The following ZNF98 variants were observed in gnomAD, a reference collection of about 807,000 sequenced individuals.
ZNF98 encodes the protein zinc finger protein 98, also known as zinc finger protein 739.
Under a neutral mutation model 12.8 loss-of-function variants are expected in ZNF98, and 8 were observed. That is an observed-to-expected ratio of 0.63 (90% confidence interval 0.37 to 1.13). ZNF98 has a LOEUF of 1.13. Ranked by LOEUF, ZNF98 falls within the 50% of genes most tolerant of loss-of-function variation. The pLI is 0.01. For missense variants in ZNF98, 379 were observed against 666.1 expected, an observed-to-expected ratio of 0.57 and a Z score of 4.74; for synonymous variants, 112 against 223.5, an observed-to-expected ratio of 0.50 and a Z score of 4.45.
At chr19:22,413,169 C>T (rs1314729339) in intron 1 of ZNF98, among the ~76,000 whole-genome samples, 1 of 152,056 alleles carries the variant, frequency 6.6e-6, no homozygotes. Context: ...TCTTTGAAAA[C>T]TGGGACAAGA....
chr19:22,402,649 T>C (rs1000443447), intron 3 of ZNF98, 140 bp downstream of exon 3: 15 of 1,002,472 alleles, frequency 1.5e-5, no homozygotes, highest in Non-Finnish European at 2.1e-5. Flanking sequence ...GAAAGCAAAA[T>C]TTAAAAAATT....
intron 1 of ZNF98, among the ~76,000 whole-genome samples, chr19:22,416,058 A>T (rs939284515): frequency 2.0e-5 from 3 of 149,236 alleles, no homozygotes; most frequent in African/African-American, 7.4e-5. Flanking sequence ...GCAGGAGAAC[A>T]GCTTGAACCC....
At position 22,392,634 on chromosome 19, in the gene ZNF98, T is replaced by A. The variant is rs758446016; in HGVS notation, c.601A>T (p.Lys201Ter). The A allele has an allele frequency of 9.9e-5, 158 of 1,588,312 alleles. No individual in the cohort carries two copies. The Middle Eastern group carries it at 1.7e-3, about 17-fold the overall frequency. The stretch of plus-strand genomic sequence containing the variant: ...GGTTTCTCTCCACTATGAATTCTTT[T>A]ATGTTGAGCTAAGTGTGAAAGCATG... ...FCMLSHLAQH[K>*]RIHSGEKPYK... is the part of the protein sequence containing the mutation. The change falls in exon 4 of 4, where the codon AAA (lysine) becomes TAA (stop). Residue 201 changes from lysine (K) to a stop codon, truncating the protein, a stop_gained. Transcript: ENST00000357774. LOFTEE classifies it low-confidence loss of function (END_TRUNC).
At chr19:22,409,093 T>A (rs541572836) in intron 1 of ZNF98, among the ~76,000 whole-genome samples, 1 of 152,164 alleles carries the variant, frequency 6.6e-6, no homozygotes, top group East Asian at 1.9e-4. Flanking sequence ...AAAACAGACA[T>A]ACAGACCAAT....
intron 1 of ZNF98, among the ~76,000 whole-genome samples, chr19:22,411,865 T>C (rs557033687): frequency 6.6e-6 from 1 of 152,306 alleles, no homozygotes; most frequent in Non-Finnish European, 1.5e-5. Flanking sequence ...AGAATGTTTA[T>C]GGTAAAAACG....
At chr19:22,407,664 A>T (rs1969536576) in intron 1 of ZNF98, among the ~76,000 whole-genome samples, 1 of 151,864 alleles carries the variant, frequency 6.6e-6, no homozygotes, top group Non-Finnish European at 1.5e-5. Flanking sequence ...GTGAGCCGAG[A>T]TAATGCCACT....
chr19:22,416,395 G>A (rs1174665856), intron 1 of ZNF98, among the ~76,000 whole-genome samples: 2 of 151,792 alleles, frequency 1.3e-5, no homozygotes, highest in Non-Finnish European at 2.9e-5. Context: ...GCGTGAACCC[G>A]GGAGGCGGAG....
intron 1 of ZNF98, among the ~76,000 whole-genome samples, chr19:22,406,575 T>C (rs1266835757): frequency 2.6e-5 from 4 of 152,040 alleles, no homozygotes; most frequent in African/African-American, 9.7e-5. Flanking sequence ...CCCAGCACTT[T>C]GGGAGGCTGA....
intron 3 of ZNF98, among the ~76,000 whole-genome samples, chr19:22,400,594 C>G (rs370263586): frequency 0.035 from 5,277 of 151,302 alleles, 144 homozygotes; most frequent in African/African-American, 0.12. Context: ...CCACTACAAA[C>G]CCATAGGACA....
intron 1 of ZNF98, among the ~76,000 whole-genome samples, chr19:22,406,351 T>A (rs1252836878): frequency 6.6e-6 from 1 of 151,548 alleles, no homozygotes; most frequent in Non-Finnish European, 1.5e-5. Flanking sequence ...GGGCCTGAAG[T>A]GAACCCCCAG....
At chr19:22,404,144 CCA>C in intron 1 of ZNF98, among the ~76,000 whole-genome samples, 1 of 152,316 alleles carries the variant, frequency 6.6e-6, no homozygotes, top group Non-Finnish European at 1.5e-5. Context: ...GGCATGAACC[CCA>C]GAGGCGGAGC....
At position 22,422,284 on chromosome 19, in the gene ZNF98, A is replaced by T; in HGVS notation, c.-60T>A. On this transcript the variant is annotated 5_prime_UTR_variant, in exon 1 of 4. Coordinates refer to ENST00000357774, the MANE Select transcript of ZNF98 (RefSeq NM_001098626.2). Reference sequence around the variant, plus strand: ...GGGCCACAGAGGCTGGGCCTCTACGAGCAGAGGACACAGAAGGGCGAAGAC... The same window carrying T: ...GGGCCACAGAGGCTGGGCCTCTACGTGCAGAGGACACAGAAGGGCGAAGAC... 1 of 1,598,516 alleles carries T rather than the reference A, an allele frequency of 6.3e-7. No individual in the cohort carries two copies. Among genetic ancestry groups the T allele is most frequent in the Non-Finnish European group, 8.6e-7 (1 of 1,167,810 alleles).
intron 1 of ZNF98, 128 bp from the exon 2 acceptor site, chr19:22,403,640 T>C: frequency 1.1e-6 from 1 of 930,342 alleles, no homozygotes; most frequent in South Asian, 2.1e-5. Context: ...ATATATTTAA[T>C]AAATAACTTT....
intron 1 of ZNF98, among the ~76,000 whole-genome samples, chr19:22,417,106 G>A (rs1003865294): frequency 7.2e-5 from 11 of 151,876 alleles, no homozygotes; most frequent in African/African-American, 2.4e-4. Context: ...GCACATGCCT[G>A]TAATTCCAGC....
intron 1 of ZNF98, among the ~76,000 whole-genome samples, chr19:22,407,118 G>A (rs1306420195): frequency 1.3e-5 from 2 of 151,670 alleles, no homozygotes; most frequent in East Asian, 2.0e-4. Flanking sequence ...GTGCAGTGGC[G>A]CGATCTTGGC....
At chr19:22,421,303 A>G (rs1306049530) in intron 1 of ZNF98, among the ~76,000 whole-genome samples, 1 of 152,230 alleles carries the variant, frequency 6.6e-6, no homozygotes, top group Non-Finnish European at 1.5e-5. Flanking sequence ...TTTTCAGAAG[A>G]AACTGAAAAT....
chr19:22,414,420 C>T (rs888679708), intron 1 of ZNF98, among the ~76,000 whole-genome samples: 1 of 151,760 alleles, frequency 6.6e-6, no homozygotes, highest in African/African-American at 2.4e-5. Context: ...CAAGAAAGGG[C>T]CCAAATAGCC....
chr19:22,397,464 A>G (rs1969409878), intron 3 of ZNF98, among the ~76,000 whole-genome samples: 1 of 152,192 alleles, frequency 6.6e-6, no homozygotes, highest in South Asian at 2.1e-4. Flanking sequence ...GGTTCTCAAT[A>G]GCTAATACAA....
At chr19:22,399,795 A>T (rs1313347183) in intron 3 of ZNF98, among the ~76,000 whole-genome samples, 1 of 152,224 alleles carries the variant, frequency 6.6e-6, no homozygotes, top group Non-Finnish European at 1.5e-5. Flanking sequence ...ATTTTCTGAC[A>T]GCAAGAAAAT....
Sources: allele counts gnomAD v4.1 joint callset (sites outside exome capture counted in the v4.1 genomes callset), GRCh38; gene constraint gnomAD v4.1.1; transcripts MANE v1.5; gene names NCBI Gene and HGNC (gene_info 2026-07-23, HGNC 2026-07-21).